ERBB2: variants seen among roughly 807,000 people sequenced by gnomAD.
ERBB2 encodes the protein receptor tyrosine-protein kinase erbB-2.
Under a neutral mutation model 149.0 loss-of-function variants are expected in ERBB2, and 61 were observed. The ratio of observed to expected loss-of-function variants is 0.41; its 90% CI spans 0.33 to 0.51. ERBB2 has a LOEUF of 0.51. ERBB2 is among the 20% of genes least tolerant of loss of function. The pLI is 0.25. For missense variants in ERBB2, 1,205 were observed against 1,655.1 expected (o/e 0.73, Z 4.72); for synonymous variants, 633 against 678.8 (o/e 0.93, Z 1.05).
At chr17:39,710,917 G>A (rs753854964) in intron 7 of ERBB2, among the ~76,000 whole-genome samples, 6 of 152,194 alleles carry the variant, frequency 3.9e-5, no homozygotes, top group Non-Finnish European at 7.4e-5. Context: ...TTTACCTTTC[G>A]TTTTGTTTTT....
At chr17:39,706,203 A>C (rs1237838370) in intron 1 of ERBB2, among the ~76,000 whole-genome samples, 1 of 152,218 alleles carries the variant, frequency 6.6e-6, no homozygotes, top group Non-Finnish European at 1.5e-5. Context: ...GGGCTGACGT[A>C]GTGCCTTTGT....
chr17:39,724,745 G>A lies in ERBB2; in HGVS notation c.2327G>A (p.Gly776Asp), dbSNP rs144434331. The change falls in exon 20 of 27, where the codon GGT becomes GAT. Residue 776 changes from glycine (G) to aspartate (D), a missense_variant. Physicochemically the swap from Gly to Asp is moderately conservative, Grantham distance 94. Around this residue, in one of 6 missense-constraint regions of ERBB2, gnomAD observed 152 missense variants for 318.1 expected, o/e 0.48. Transcript: ENST00000269571. ...EILDEAYVMA[G>D]VGSPYVSRLL... ...CCCCAGGAAGCATACGTGATGGCTG[G>A]TGTGGGCTCCCCATATGTCTCCCGC... 1 of 1,614,180 alleles carries A rather than the reference G, an allele frequency of 6.2e-7. No homozygotes were observed. The highest frequency in any genetic ancestry group is 8.5e-7 in the Non-Finnish European group (1 of 1,180,034).
upstream of ERBB2, among the ~76,000 whole-genome samples, chr17:39,690,122 T>C (rs1037427229): frequency 6.6e-6 from 1 of 152,174 alleles, no homozygotes; most frequent in Admixed American, 6.6e-5. Context: ...CTCTCACTCT[T>C]TCACCTAGAC....
chr17:39,700,391 G>T, intron 1 of ERBB2, 80 bp downstream of exon 1: 1 of 1,118,698 alleles, frequency 8.9e-7, no homozygotes, highest in East Asian at 3.2e-5. Context: ...CGCGGCCGGC[G>T]GGGCCAGAGG....
rs145409713 is a variant in ERBB2, at chr17:39,717,375, C to A, written c.1793C>A (p.Ala598Asp). 38 of 1,612,786 alleles carry A rather than the reference C, an allele frequency of 2.4e-5. No homozygotes were observed. The highest frequency in any genetic ancestry group is 1.1e-4 in the East Asian group (5 of 44,880). ...TATAAGGACCCTCCCTTCTGCGTGG[C>A]CCGCTGCCCCAGCGGTGTGAAACCT... ...AHYKDPPFCV[A>D]RCPSGVKPDL... Residue 598 changes from alanine to aspartate, a missense_variant, in exon 15 of 27, where the codon GCC becomes GAC. Coordinates refer to ENST00000269571, the MANE Select transcript of ERBB2 (RefSeq NM_004448.4).
chr17:39,695,558 C>T (rs1253033513), upstream of ERBB2, among the ~76,000 whole-genome samples: 1 of 152,118 alleles, frequency 6.6e-6, no homozygotes, highest in Admixed American at 6.6e-5. Flanking sequence ...GCCTCAGCCT[C>T]AAGGCACTGT....
chr17:39,700,460 G>A (rs1597851144), intron 1 of ERBB2, 149 bp downstream of exon 1: 3 of 593,810 alleles, frequency 5.1e-6, no homozygotes, highest in Non-Finnish European at 7.4e-6. Context: ...CAGGGCAGCC[G>A]GGCCCTGGGG....
chr17:39,708,470 T>C lies in ERBB2; in HGVS notation c.375T>C (p.Asn125=). The C allele has an allele frequency of 1.2e-6, 2 of 1,614,114 alleles. No homozygotes were observed. Among genetic ancestry groups the C allele is most frequent in the Non-Finnish European group, 1.7e-6 (2 of 1,179,990 alleles). The part of the protein sequence containing the change: ...AVLDNGDPLN[N]TTPVTGASPG... ...TAGACAATGGAGACCCGCTGAACAA[T>C]ACCACCCCTGTCACAGGGGCCTCCC... Residue 125 remains asparagine, a synonymous_variant, in exon 3 of 27, where the codon AAT becomes AAC. Transcript: ENST00000269571.
In ERBB2 at chr17:39,727,109, A is replaced by G; in HGVS notation, c.3159+106A>G. ...TCCCTCAACTGTCACCTCTCAAGGA[A>G]ACCCCATTATCCCTACAAAAAATTC... is the stretch of plus-strand genomic sequence containing the variant. On this transcript the variant is annotated intron_variant, in intron 25 of 26. Transcript: ENST00000269571. This position sits in a 1 kb window ranked among gnomAD's most constrained non-coding sequence, Gnocchi z 4.3. The G allele has an allele frequency of 7.9e-7, 1 of 1,266,518 alleles. No individual in the cohort carries two copies. The highest frequency in any genetic ancestry group is 1.1e-6 in the Non-Finnish European group (1 of 914,674). The allele number at this position is 1,266,518 out of a possible 1,614,324, so 78.5% of individuals were successfully genotyped here.
intron 16 of ERBB2, among the ~76,000 whole-genome samples, chr17:39,720,994 C>T (rs117758589): frequency 2.6e-5 from 4 of 152,232 alleles, no homozygotes; most frequent in Non-Finnish European, 4.4e-5. Flanking sequence ...GTCTTGCTCT[C>T]TTGTCCAGTC....
chr17:39,691,720 T>C (rs1489352331), upstream of ERBB2, among the ~76,000 whole-genome samples: 3 of 148,598 alleles, frequency 2.0e-5, no homozygotes, highest in Admixed American at 2.0e-4. Context: ...TTGTTTTCAA[T>C]AGCAAGAAGA....
At chr17:39,722,546 T>C (rs1271235410) in intron 16 of ERBB2, among the ~76,000 whole-genome samples, 2 of 152,164 alleles carry the variant, frequency 1.3e-5, no homozygotes, top group African/African-American at 4.8e-5. Context: ...CAGTTTACTA[T>C]AAAATAGGCT....
upstream of ERBB2, among the ~76,000 whole-genome samples, chr17:39,697,349 G>GTTTTTTTT (rs1452125824): frequency 3.2e-4 from 42 of 132,310 alleles, no homozygotes; most frequent in African/African-American, 7.7e-4. Flanking sequence ...TTGTTTTTTT[G>GTTTTTTTT]TTTTGTTTTT....
chr17:39,691,872 T>C (rs2057710981), upstream of ERBB2, among the ~76,000 whole-genome samples: 1 of 124,300 alleles, frequency 8.0e-6, no homozygotes, highest in Non-Finnish European at 1.6e-5. Context: ...TCATGATAGA[T>C]ATAGATATAG....
rs1185941998 is a variant in ERBB2 at position 39,728,337 on chromosome 17, C to G, written c.*293C>G. On this transcript the variant is annotated 3_prime_UTR_variant, in exon 27 of 27. Transcript: ENST00000269571. ...CACAGCCCAGCTTGGCCCTTTCCTT[C>G]CAGATCCTGGGTACTGAAAGCCTTA... 5.8e-6 allele frequency: 2 copies of G among 344,404 alleles called. No individual in the cohort carries two copies. The highest frequency in any genetic ancestry group is 1.1e-5 in the Non-Finnish European group (2 of 188,498). 21.3% of individuals were successfully genotyped at this position (344,404 alleles called of 1,614,324 possible).
chr17:39,726,677 C>G lies in ERBB2; in HGVS notation c.2970+18C>G, dbSNP rs558112059. On this transcript the variant is annotated intron_variant, in intron 24 of 26. Transcript: ENST00000269571. The surrounding 1 kb of genome is among the most constrained non-coding windows in gnomAD (Gnocchi z 5.1). ...TCATCCAGGTACTGGGCCTCTGTGC[C>G]CCATCCCTGCCTGTGGCTAAGAGCA... 1.2e-6 allele frequency: 2 copies of G among 1,611,762 alleles called. No individual in the cohort carries two copies. Among genetic ancestry groups the G allele is most frequent in the Non-Finnish European group, 1.7e-6 (2 of 1,177,842 alleles).
intron 1 of ERBB2, among the ~76,000 whole-genome samples, chr17:39,700,670 C>A (rs2058050130): frequency 6.6e-6 from 1 of 152,188 alleles, no homozygotes; most frequent in South Asian, 2.1e-4. Flanking sequence ...CTCAAGCTTT[C>A]TCAAAGCCTT....
chr17:39,704,524 G>A (rs567834614), intron 1 of ERBB2, among the ~76,000 whole-genome samples: 2 of 152,290 alleles, frequency 1.3e-5, no homozygotes, highest in African/African-American at 4.8e-5. Flanking sequence ...AGTGAGCCGA[G>A]ATTGCGCCAC....
upstream of ERBB2, among the ~76,000 whole-genome samples, chr17:39,694,485 G>T (rs2057816737): frequency 6.6e-6 from 1 of 151,320 alleles, no homozygotes; most frequent in African/African-American, 2.4e-5. Flanking sequence ...TAGAGACTCA[G>T]ACTAGCTGGT....
Sources: allele counts gnomAD v4.1 joint callset (sites outside exome capture counted in the v4.1 genomes callset), GRCh38; gene constraint gnomAD v4.1.1; regional missense constraint gnomAD v4.1.1; non-coding constraint Gnocchi (gnomAD v3.1); transcripts MANE v1.5; gene names NCBI Gene and HGNC (gene_info 2026-07-23, HGNC 2026-07-21).